The following CACNA1D variants were observed in gnomAD, a reference collection of about 807,000 sequenced individuals.
CACNA1D encodes the protein voltage-dependent L-type calcium channel subunit alpha-1D.
CACNA1D carries 55 observed loss-of-function variants against 257.1 expected under a neutral mutation model. That is an observed-to-expected ratio of 0.21 (90% CI 0.17 to 0.27). The LOEUF (loss-of-function observed/expected upper bound fraction) is 0.27. Among genes scored for constraint, CACNA1D ranks in the 10% least tolerant of loss-of-function variants. The pLI, the probability that CACNA1D is intolerant of heterozygous loss-of-function variation, is 1.00. For synonymous variants in CACNA1D, 980 were observed against 1,014.9 expected (o/e 0.97, Z 0.65); for missense variants, 1,876 against 2,784.0 (o/e 0.67, Z 7.34).
At chr3:53,710,409 G>T in intron 9 of CACNA1D, 2 of 456,690 alleles carry the variant, frequency 4.4e-6, no homozygotes, top group South Asian at 1.5e-5. Flanking sequence ...CACAGTGGCC[G>T]ACTTGCTTAA....
At chr3:53,677,076 T>C (rs1201423881) in intron 8 of CACNA1D, among the ~76,000 whole-genome samples, 1 of 152,232 alleles carries the variant, frequency 6.6e-6, no homozygotes, top group African/African-American at 2.4e-5. Context: ...AAATTGTTAA[T>C]TGAACTCCCT....
intron 5 of CACNA1D, among the ~76,000 whole-genome samples, chr3:53,662,282 T>C (rs1156838047): frequency 1.3e-5 from 2 of 152,080 alleles, no homozygotes; most frequent in Admixed American, 1.3e-4. Flanking sequence ...GTGGAGTTCT[T>C]AAGCACCCAC....
Position 53,743,036 on chromosome 3 carries a change from A to G in CACNA1D, c.2837A>G (p.His946Arg). The change falls in exon 22 of 48, where the codon CAC (histidine) becomes CGC (arginine). Residue 946 changes from histidine (H) to arginine (R), a missense_variant. By Grantham distance (29) the His-to-Arg change is conservative. Coordinates refer to ENST00000350061, the MANE Select transcript of CACNA1D (RefSeq NM_001128840.3). ...LKMTTFGAFL[H>R]KGAFCRNYFN... ...ATGACAACTTTTGGAGCTTTCCTCCACAAAGGGGCCTTCTGCAGGAACTAC... is the reference window on the plus strand; with the variant it reads ...ATGACAACTTTTGGAGCTTTCCTCCGCAAAGGGGCCTTCTGCAGGAACTAC... 6.2e-7 allele frequency: 1 copy of G among 1,613,568 alleles called. No homozygotes were observed. Among genetic ancestry groups the G allele is most frequent in the Non-Finnish European group, 8.5e-7 (1 of 1,179,456 alleles).
At chr3:53,806,200 TCCCTC>T (rs1297643495) in intron 45 of CACNA1D, among the ~76,000 whole-genome samples, 1 of 73,194 alleles carries the variant, frequency 1.4e-5, no homozygotes, top group Non-Finnish European at 2.9e-5. Flanking sequence ...TCCTCCCTCC[TCCCTC>T]ATCTTCCCTC....
Position 53,718,404 on chromosome 3 carries a change from A to G in CACNA1D, c.1478+16A>G. 2 of 1,609,022 alleles carry G rather than the reference A, an allele frequency of 1.2e-6. No homozygotes were observed. The highest frequency in any genetic ancestry group is 1.7e-6 in the Non-Finnish European group (2 of 1,175,352). ...GAAGTCTCTGGTGAGTGTGGGGAGCACTTGCCCTCTTTCCCCTCCTGTTGT... is the reference window on the plus strand; with the variant it reads ...GAAGTCTCTGGTGAGTGTGGGGAGCGCTTGCCCTCTTTCCCCTCCTGTTGT... On this transcript the variant is annotated intron_variant, in intron 10 of 47. Transcript: ENST00000350061.
intron 7 of CACNA1D, 27 bp from the exon 8 acceptor site, chr3:53,672,995 TC>T: frequency 6.9e-7 from 1 of 1,449,666 alleles, no homozygotes. Context: ...ATTAACCCAC[TC>T]CTATGAGACC....
At chr3:53,756,691 C>G (rs1260574447) in intron 29 of CACNA1D, among the ~76,000 whole-genome samples, 1 of 152,210 alleles carries the variant, frequency 6.6e-6, no homozygotes, top group African/African-American at 2.4e-5. Context: ...CCTCCAGCTG[C>G]TAGAATTCTC....
intron 9 of CACNA1D, among the ~76,000 whole-genome samples, chr3:53,705,555 C>T (rs1381689486): frequency 2.0e-5 from 3 of 152,208 alleles, no homozygotes; most frequent in Non-Finnish European, 4.4e-5. Context: ...GCAAATATTT[C>T]TGTGGTGCGC....
At position 53,723,286 on chromosome 3, in the gene CACNA1D, G is replaced by A. The variant is rs927180801; in HGVS notation, c.1667-148G>A. ...GACAGACTGTCCACGCGAAGGCCAC[G>A]TTTCTGTCCTGAGTGAGGTAGTGAA... On this transcript the variant is annotated intron_variant, in intron 12 of 47. Transcript: ENST00000350061. The surrounding 1 kb of genome is among the most constrained non-coding windows in gnomAD (Gnocchi z 5.6). 1.4e-5 allele frequency: 10 copies of A among 711,402 alleles called. No individual in the cohort carries two copies. Among genetic ancestry groups the A allele is most frequent in the Non-Finnish European group, 2.1e-5 (8 of 389,502 alleles). 44.1% of individuals were successfully genotyped at this position (711,402 alleles called of 1,614,324 possible).
At chr3:53,713,686 G>T (rs1376092820) in intron 9 of CACNA1D, among the ~76,000 whole-genome samples, 1 of 152,164 alleles carries the variant, frequency 6.6e-6, no homozygotes, top group African/African-American at 2.4e-5. Flanking sequence ...GATTTCCCTG[G>T]TTTACTGTGT....
chr3:53,555,678 C>T (rs886484911), intron 3 of CACNA1D, among the ~76,000 whole-genome samples: 1 of 152,004 alleles, frequency 6.6e-6, no homozygotes, highest in African/African-American at 2.4e-5. Context: ...TTATCAGTTG[C>T]GCCTGACCTT....
chr3:53,749,591 G>A (rs555600870), intron 27 of CACNA1D, 122 bp downstream of exon 27: 2 of 746,142 alleles, frequency 2.7e-6, no homozygotes, highest in African/African-American at 1.7e-5. Flanking sequence ...CTGGGGCTAG[G>A]GCCCTGTTCT....
intron 8 of CACNA1D, among the ~76,000 whole-genome samples, chr3:53,676,600 A>G (rs1408061063): frequency 1.3e-5 from 2 of 152,202 alleles, no homozygotes; most frequent in Non-Finnish European, 2.9e-5. Context: ...GAAATGTTAG[A>G]TGGTGCTGTA....
At chr3:53,705,640 T>A (rs2094680329) in intron 9 of CACNA1D, among the ~76,000 whole-genome samples, 1 of 152,058 alleles carries the variant, frequency 6.6e-6, no homozygotes, top group African/African-American at 2.4e-5. Context: ...GCTTCCCGAG[T>A]CATCAGATTT....
chr3:53,601,163 A>C (rs995640389), intron 3 of CACNA1D, among the ~76,000 whole-genome samples: 1 of 152,188 alleles, frequency 6.6e-6, no homozygotes, highest in African/African-American at 2.4e-5. Flanking sequence ...GGCTGTGTGC[A>C]TGCTCACTGC....
chr3:53,779,407 A>ATG (rs139851282), intron 37 of CACNA1D, among the ~76,000 whole-genome samples: 1,567 of 150,460 alleles, frequency 0.01, 17 homozygotes, highest in African/African-American at 0.013. Context: ...ATATGTATGT[A>ATG]TGTGTGTGTG....
At chr3:53,734,666 C>T (rs1354002314) in intron 19 of CACNA1D, among the ~76,000 whole-genome samples, 4 of 152,110 alleles carry the variant, frequency 2.6e-5, no homozygotes, top group African/African-American at 4.8e-5. Context: ...CATTGCTTCA[C>T]GAGACCACAG....
chr3:53,754,857 C>T (rs1488325643), intron 29 of CACNA1D, among the ~76,000 whole-genome samples: 1 of 152,248 alleles, frequency 6.6e-6, no homozygotes, highest in Non-Finnish European at 1.5e-5. Context: ...ACATGAAATT[C>T]TAATTCCAAA....
intron 20 of CACNA1D, among the ~76,000 whole-genome samples, chr3:53,739,749 G>A (rs151087484): frequency 0.028 from 4,241 of 152,286 alleles, 84 homozygotes; most frequent in Non-Finnish European, 0.043. Context: ...GCATGAGCAG[G>A]GAAGGGTGCT....
Sources: allele counts gnomAD v4.1 joint callset (sites outside exome capture counted in the v4.1 genomes callset), GRCh38; gene constraint gnomAD v4.1.1; non-coding constraint Gnocchi (gnomAD v3.1); transcripts MANE v1.5; gene names NCBI Gene and HGNC (gene_info 2026-07-23, HGNC 2026-07-21).